Variants in CACNA2D3 observed in about 807,000 individuals in gnomAD.
CACNA2D3 encodes the protein voltage-dependent calcium channel subunit alpha-2/delta-3.
A neutral mutation model predicts 160.6 loss-of-function variants in CACNA2D3; 60 were observed. The observed-to-expected ratio is 0.37, with a 90% CI of 0.30 to 0.46. CACNA2D3 has a LOEUF of 0.46. Ranked by LOEUF, CACNA2D3 falls within the 20% of genes least tolerant of loss-of-function variation. The probability of loss-of-function intolerance (pLI) is 1.00; values close to 1 mark genes in which losing one functional copy is unlikely to be tolerated. For synonymous variants in CACNA2D3, 558 were observed against 492.9 expected (o/e 1.13, Z -1.75); for missense variants, 1,205 against 1,365.0 (o/e 0.88, Z 1.85).
chr3:54,371,435 C>T (rs1286530627), intron 3 of CACNA2D3, among the ~76,000 whole-genome samples: 1 of 152,140 alleles, frequency 6.6e-6, no homozygotes, highest in Non-Finnish European at 1.5e-5. Flanking sequence ...TTTTTTCTAA[C>T]AACTTCATCG....
chr3:54,821,604 G>T (rs1703592764), intron 14 of CACNA2D3, among the ~76,000 whole-genome samples: 1 of 151,592 alleles, frequency 6.6e-6, no homozygotes. Context: ...ATATTTTGGA[G>T]GAATAAATGG....
rs74753848 is a variant in CACNA2D3 at position 54,148,388 on chromosome 3, C to T, written c.204+24794C>T. ...TTAAATTTTGGGAGGCATTGGGGTG[C>T]AGGAGACCTCAAAAAGGTGACTGTG... On this transcript the variant is annotated intron_variant, in intron 2 of 37. Coordinates refer to ENST00000474759, the MANE Select transcript of CACNA2D3 (RefSeq NM_018398.3). 0.014 allele frequency among the ~76,000 whole-genome samples: 2,157 copies of T among 152,256 alleles called. 121 individuals are homozygous for T. The East Asian group carries it at 0.2, about 14-fold the overall frequency.
intron 9 of CACNA2D3, among the ~76,000 whole-genome samples, chr3:54,594,199 A>G (rs1372628527): frequency 6.6e-6 from 1 of 152,202 alleles, no homozygotes; most frequent in Non-Finnish European, 1.5e-5. Flanking sequence ...TAAGGGCCTG[A>G]TAGTAAATAT....
intron 2 of CACNA2D3, among the ~76,000 whole-genome samples, chr3:54,283,279 T>TG (rs1187016967): frequency 6.6e-6 from 1 of 152,198 alleles, no homozygotes; most frequent in African/African-American, 2.4e-5. Flanking sequence ...TGGACTGCCC[T>TG]GGGGTAAAAT....
At chr3:54,870,208 CT>C (rs1294650805) in intron 17 of CACNA2D3, among the ~76,000 whole-genome samples, 3 of 152,176 alleles carry the variant, frequency 2.0e-5, no homozygotes, top group Non-Finnish European at 2.9e-5. Flanking sequence ...CCTCATCCCA[CT>C]GGGGGTCAGT....
chr3:54,617,232 C>T (rs1698873856), intron 9 of CACNA2D3, among the ~76,000 whole-genome samples: 1 of 152,114 alleles, frequency 6.6e-6, no homozygotes. Flanking sequence ...GAATATGGAC[C>T]TTGCTACTGC....
intron 3 of CACNA2D3, among the ~76,000 whole-genome samples, chr3:54,352,892 G>A (rs554730484): frequency 7.9e-5 from 12 of 152,076 alleles, no homozygotes; most frequent in Non-Finnish European, 1.5e-4. Flanking sequence ...GTACATAGTA[G>A]GTGTAAATAT....
intron 2 of CACNA2D3, among the ~76,000 whole-genome samples, chr3:54,305,059 C>T (rs971667022): frequency 1.3e-5 from 2 of 152,098 alleles, no homozygotes; most frequent in African/African-American, 2.4e-5. Context: ...GGCATAGTAA[C>T]GTAGCAGCTG....
At chr3:54,240,196 A>G (rs1343489040) in intron 2 of CACNA2D3, among the ~76,000 whole-genome samples, 1 of 151,690 alleles carries the variant, frequency 6.6e-6, no homozygotes, top group East Asian at 1.9e-4. Flanking sequence ...TTCATTGGTG[A>G]TGGTCATATT....
At chr3:54,218,696 A>T (rs1160656364) in intron 2 of CACNA2D3, among the ~76,000 whole-genome samples, 1 of 152,224 alleles carries the variant, frequency 6.6e-6, no homozygotes, top group African/African-American at 2.4e-5. Flanking sequence ...AAAGGTGAGA[A>T]GTCCAAAATT....
chr3:54,902,086 A>G (rs541640118), intron 27 of CACNA2D3, among the ~76,000 whole-genome samples: 1 of 152,350 alleles, frequency 6.6e-6, no homozygotes, highest in African/African-American at 2.4e-5. Context: ...AGTGTGCCCC[A>G]ACAGCAGATG....
intron 3 of CACNA2D3, among the ~76,000 whole-genome samples, chr3:54,325,193 G>T (rs143633554): frequency 6.6e-6 from 1 of 152,164 alleles, no homozygotes. Context: ...AGTGGGAAGA[G>T]AATATGTAGG....
At chr3:54,873,862 C>T (rs1699599481) in intron 18 of CACNA2D3, among the ~76,000 whole-genome samples, 1 of 152,188 alleles carries the variant, frequency 6.6e-6, no homozygotes, top group Non-Finnish European at 1.5e-5. Context: ...ATTTGCATGT[C>T]ACTAATTGGA....
At chr3:54,784,832 T>C (rs1702604067) in intron 13 of CACNA2D3, among the ~76,000 whole-genome samples, 1 of 152,232 alleles carries the variant, frequency 6.6e-6, no homozygotes, top group African/African-American at 2.4e-5. Context: ...GGATAGCTCC[T>C]ATTTAATTTC....
At chr3:54,323,424 C>T (rs553955579) in intron 3 of CACNA2D3, among the ~76,000 whole-genome samples, 90 of 151,868 alleles carry the variant, frequency 5.9e-4, no homozygotes, top group African/African-American at 2.1e-3. Flanking sequence ...AGTGACCCTT[C>T]CCCCTCTTTT....
intron 29 of CACNA2D3, among the ~76,000 whole-genome samples, chr3:54,982,186 G>T (rs779477636): frequency 2.0e-4 from 31 of 152,230 alleles, no homozygotes; most frequent in Middle Eastern, 3.4e-3. Context: ...AATCCAAAGA[G>T]AATAGTAGTT....
intron 34 of CACNA2D3, among the ~76,000 whole-genome samples, chr3:55,014,302 G>A (rs1225274699): frequency 2.0e-5 from 3 of 152,152 alleles, no homozygotes; most frequent in Non-Finnish European, 2.9e-5. Flanking sequence ...TGGGACCCAC[G>A]GCAGGCAGTG....
At chr3:54,851,357 C>A (rs550530819) in intron 17 of CACNA2D3, among the ~76,000 whole-genome samples, 28 of 152,262 alleles carry the variant, frequency 1.8e-4, no homozygotes, top group African/African-American at 6.0e-4. Context: ...GGCTGAGCAG[C>A]TGGGCTTCTC....
chr3:54,980,772 GA>G (rs1395969254), intron 29 of CACNA2D3, among the ~76,000 whole-genome samples: 1 of 152,110 alleles, frequency 6.6e-6, no homozygotes, highest in Non-Finnish European at 1.5e-5. Context: ...AAAAATCAAA[GA>G]AGCAGTTTAT....
Sources: allele counts gnomAD v4.1 joint callset (sites outside exome capture counted in the v4.1 genomes callset), GRCh38; gene constraint gnomAD v4.1.1; transcripts MANE v1.5; gene names NCBI Gene and HGNC (gene_info 2026-07-23, HGNC 2026-07-21).